The following TGDS variants were observed in gnomAD, a reference collection of about 807,000 sequenced individuals.
The protein encoded by TGDS is UDP-D-glucose 4,6-dehydratase.
TGDS carries 47 observed loss-of-function variants against 52.3 expected under a neutral mutation model. That is an observed-to-expected ratio of 0.90 (90% CI 0.71 to 1.15). The LOEUF (loss-of-function observed/expected upper bound fraction) is 1.15, where lower values mean the gene tolerates loss of function less well. TGDS is among the 50% of genes most tolerant of loss of function. The pLI, the probability that TGDS is intolerant of heterozygous loss-of-function variation, is 0.00. For synonymous variants in TGDS, 115 were observed against 136.9 expected (o/e 0.84, Z 1.12); for missense variants, 375 against 418.4 (o/e 0.90, Z 0.90).
In TGDS at chr13:94,592,430, T is replaced by TA. The variant is rs368140987; in HGVS notation, c.154-122dup. 988 of 737,102 alleles carry TA rather than the reference T, an allele frequency of 1.3e-3. 16 individuals carry two copies. The East Asian group carries it at 0.023, about 17-fold the overall frequency. The allele number at this position is 737,102 out of a possible 1,614,324, so 45.7% of individuals were successfully genotyped here. A position where few individuals can be genotyped will look rare whatever the true frequency, so the allele number is the denominator to read the frequency against. On this transcript the variant is annotated intron_variant, in intron 2 of 11. Transcript: ENST00000261296. Reference sequence around the variant, plus strand: ...GTTACAATACAAGAACATGTCCTCTTAAAGTGTGTTTGCTCCCTGTCTTTA... The same window carrying TA: ...GTTACAATACAAGAACATGTCCTCTTAAAAGTGTGTTTGCTCCCTGTCTTTA...
At chr13:94,577,746 G>A (rs1049145099) in intron 9 of TGDS, among the ~76,000 whole-genome samples, 3 of 152,000 alleles carry the variant, frequency 2.0e-5, no homozygotes, top group Non-Finnish European at 4.4e-5. Flanking sequence ...CTTGTTTTAA[G>A]ACAATTTTAT....
intron 4 of TGDS, among the ~76,000 whole-genome samples, chr13:94,584,292 G>C (rs1888905349): frequency 6.6e-6 from 1 of 152,102 alleles, no homozygotes; most frequent in African/African-American, 2.4e-5. Context: ...AGGTGATTAA[G>C]TGAAAATCAG....
rs921002276 is a variant in TGDS, at chr13:94,590,170, T to C, written c.313+683A>G. Among the ~76,000 whole-genome samples the C allele has an allele frequency of 4.1e-5, 6 of 147,662 alleles. No homozygotes were observed. The Admixed American group carries it at 4.1e-4, about 10-fold the overall frequency. ...ACAAAAAAAACTCTACATATCATTATATATATATATAAAATATATATTTAA... is the reference window on the plus strand; with the variant it reads ...ACAAAAAAAACTCTACATATCATTACATATATATATAAAATATATATTTAA... On this transcript the variant is annotated intron_variant, in intron 4 of 11. Coordinates refer to ENST00000261296, the MANE Select transcript of TGDS (RefSeq NM_014305.4).
chr13:94,592,088 T>C (rs1015015911), intron 3 of TGDS, among the ~76,000 whole-genome samples, 153 bp downstream of exon 3: 8 of 152,228 alleles, frequency 5.3e-5, no homozygotes, highest in Admixed American at 2.6e-4. Flanking sequence ...CTAGAGCACA[T>C]GGTACTTTTG....
chr13:94,575,578 TA>T (rs947455548), intron 11 of TGDS, among the ~76,000 whole-genome samples: 175 of 152,206 alleles, frequency 1.1e-3, no homozygotes, highest in African/African-American at 4.1e-3. Context: ...TGTGAGCCAC[TA>T]TGCCCAGCAC....
chr13:94,590,778 T>C, intron 4 of TGDS, 75 bp downstream of exon 4: 1 of 1,194,508 alleles, frequency 8.4e-7, no homozygotes, highest in Non-Finnish European at 1.2e-6. Context: ...ATATCCTCTT[T>C]CAAATATAAG....
chr13:94,582,218 T>A (rs865942251), intron 5 of TGDS, among the ~76,000 whole-genome samples: 2 of 151,434 alleles, frequency 1.3e-5, no homozygotes, highest in African/African-American at 4.8e-5. Context: ...AAAAAATAGA[T>A]TTTGGTTTTT....
chr13:94,592,539 G>A (rs1215551597), intron 2 of TGDS, among the ~76,000 whole-genome samples: 4 of 152,020 alleles, frequency 2.6e-5, no homozygotes, highest in Non-Finnish European at 4.4e-5. Context: ...CACAAGCTCC[G>A]CCTCCCAGGT....
chr13:94,575,843 T>C (rs2139511630), intron 11 of TGDS, among the ~76,000 whole-genome samples: 1 of 152,280 alleles, frequency 6.6e-6, no homozygotes, highest in East Asian at 1.9e-4. Context: ...TAGATTTTTC[T>C]GCACATACTA....
intron 4 of TGDS, among the ~76,000 whole-genome samples, chr13:94,585,435 C>T (rs1276196526): frequency 6.6e-6 from 1 of 151,986 alleles, no homozygotes; most frequent in Admixed American, 6.6e-5. Context: ...AATATAATGA[C>T]TACTGACTAT....
intron 1 of TGDS, among the ~76,000 whole-genome samples, chr13:94,595,722 G>C (rs966695875): frequency 3.3e-5 from 5 of 152,112 alleles, no homozygotes; most frequent in Non-Finnish European, 5.9e-5. Flanking sequence ...GGGTGTGGGT[G>C]CTCTAGGCTG....
intron 2 of TGDS, among the ~76,000 whole-genome samples, 193 bp from the exon 3 acceptor site, chr13:94,592,502 T>C (rs1326443871): frequency 6.6e-6 from 1 of 152,116 alleles, no homozygotes; most frequent in Non-Finnish European, 1.5e-5. Context: ...GCCCAGGCTG[T>C]AGTGCAGTGG....
chr13:94,577,776 G>A (rs1888649311), intron 9 of TGDS, among the ~76,000 whole-genome samples: 1 of 151,954 alleles, frequency 6.6e-6, no homozygotes, highest in African/African-American at 2.4e-5. Context: ...AATGACTTAT[G>A]CAGAAATATA....
upstream of TGDS, chr13:94,596,178 T>C (rs1889377131): frequency 6.3e-7 from 1 of 1,591,884 alleles, no homozygotes; most frequent in African/African-American, 1.3e-5. Flanking sequence ...GAGTATGGTC[T>C]GAAAAGCGCA....
rs1263166881 is a variant in TGDS at position 94,574,382 on chromosome 13, A to G, written c.*400T>C. 6.3e-6 allele frequency: 1 copy of G among 157,958 alleles called. No individual in the cohort carries two copies. The highest frequency in any genetic ancestry group is 6.5e-5 in the Admixed American group (1 of 15,448). 9.8% of individuals were successfully genotyped at this position (157,958 alleles called of 1,614,324 possible). ...AAAAAGAAATGGTGAATTAGGGCCT[A>G]AGACATCCTATATTGCCTAAAAACG... On this transcript the variant is annotated 3_prime_UTR_variant, in exon 12 of 12. Coordinates refer to ENST00000261296, the MANE Select transcript of TGDS (RefSeq NM_014305.4).
intron 1 of TGDS, among the ~76,000 whole-genome samples, chr13:94,595,614 G>A (rs1470047246): frequency 6.6e-6 from 1 of 152,164 alleles, no homozygotes; most frequent in Non-Finnish European, 1.5e-5. Flanking sequence ...AGAAAAGGGT[G>A]TCAACAGTGG....
At chr13:94,593,163 A>C (rs1461950452) in intron 2 of TGDS, among the ~76,000 whole-genome samples, 1 of 152,196 alleles carries the variant, frequency 6.6e-6, no homozygotes, top group African/African-American at 2.4e-5. Flanking sequence ...AAAGAAAAAA[A>C]AAAATGTTCA....
chr13:94,587,821 C>A (rs867803105), intron 4 of TGDS, among the ~76,000 whole-genome samples: 2 of 150,824 alleles, frequency 1.3e-5, no homozygotes, highest in Admixed American at 6.6e-5. Flanking sequence ...CACGGTGAAA[C>A]CCCGTCTCTA....
rs139304427 is a variant in TGDS at position 94,583,225 on chromosome 13, C to T, written c.325G>A (p.Val109Ile). Residue 109 changes from valine to isoleucine, a missense_variant, in exon 5 of 12, where the codon GTA (valine) becomes ATA (isoleucine). By Grantham distance (29) the Val-to-Ile change is conservative. Coordinates refer to ENST00000261296, the MANE Select transcript of TGDS (RefSeq NM_014305.4). ...AAQTHVDLSFVRAFEFTYVNV... is the reference protein window; with the variant it reads ...AAQTHVDLSFIRAFEFTYVNV... The stretch of plus-strand genomic sequence containing the variant: ...ACATAGGTAAACTCAAAGGCACGTA[C>T]GAATGAAAGATCTAAAAGAAAAGAG... 1.2e-4 allele frequency: 186 copies of T among 1,611,770 alleles called. 1 individual carries two copies. Among genetic ancestry groups the T allele is most frequent in the Non-Finnish European group, 1.5e-4 (178 of 1,179,470 alleles).
Sources: allele counts gnomAD v4.1 joint callset (sites outside exome capture counted in the v4.1 genomes callset), GRCh38; gene constraint gnomAD v4.1.1; transcripts MANE v1.5; gene names NCBI Gene and HGNC (gene_info 2026-07-23, HGNC 2026-07-21).